GALNT13: variants seen among roughly 807,000 people sequenced by gnomAD.
GALNT13 encodes UDP-GalNAc:polypeptide N-acetylgalactosaminyltransferase 13.
A neutral mutation model predicts 64.2 loss-of-function variants in GALNT13; 28 were observed. The observed-to-expected ratio is 0.44, with a 90% CI of 0.32 to 0.60. The LOEUF is 0.60. Among genes scored for constraint, GALNT13 ranks in the 20% least tolerant of loss-of-function variants. The pLI, the probability that GALNT13 is intolerant of heterozygous loss-of-function variation, is 0.05. For missense variants in GALNT13, 577 were observed against 669.8 expected (o/e 0.86, Z 1.53); for synonymous variants, 214 against 224.6 (o/e 0.95, Z 0.42).
rs1002064231 is a variant in GALNT13, at chr2:154,397,331, C to T, written c.1296+1201C>T. Among the ~76,000 whole-genome samples, 4 of 151,944 alleles carry T rather than the reference C, an allele frequency of 2.6e-5. 1 individual carries two copies. The highest frequency in any genetic ancestry group is 1.9e-4 in the East Asian group (1 of 5,162). ...GCAGGCACCTGTAGTCCCAGCTACT[C>T]GGGAGGCTGAGGCAGGAGAATGGTG... On this transcript the variant is annotated intron_variant, in intron 10 of 12. Coordinates refer to ENST00000392825, the MANE Select transcript of GALNT13 (RefSeq NM_052917.4).
chr2:154,430,979 A>G (rs910626419), intron 11 of GALNT13, among the ~76,000 whole-genome samples: 10 of 152,222 alleles, frequency 6.6e-5, no homozygotes, highest in African/African-American at 1.9e-4. Context: ...TGGCTACAGT[A>G]TGGTGTAAAC....
chr2:154,277,173 A>T (rs2105932851), intron 8 of GALNT13, among the ~76,000 whole-genome samples: 1 of 152,324 alleles, frequency 6.6e-6, no homozygotes, highest in East Asian at 1.9e-4. Flanking sequence ...TTATAAAACT[A>T]AGATTTAAAT....
At chr2:154,205,755 A>G (rs1035649580) in intron 4 of GALNT13, among the ~76,000 whole-genome samples, 9 of 152,142 alleles carry the variant, frequency 5.9e-5, no homozygotes, top group Admixed American at 4.6e-4. Context: ...CGTGAGACTC[A>G]TTCACTATCA....
chr2:153,219,070 A>T, the GALNT13 span, among the ~76,000 whole-genome samples: 1 of 152,240 alleles, frequency 6.6e-6, no homozygotes, highest in Non-Finnish European at 1.5e-5. Flanking sequence ...TTTCAATCAG[A>T]CTTCATCTAA....
chr2:153,088,947 G>A, the GALNT13 span, among the ~76,000 whole-genome samples: 2 of 152,188 alleles, frequency 1.3e-5, no homozygotes, highest in Admixed American at 1.3e-4. Context: ...CTTTAAAGTG[G>A]AGCATTTAGG....
At chr2:154,120,265 C>G (rs1045468731) in intron 3 of GALNT13, among the ~76,000 whole-genome samples, 3 of 152,148 alleles carry the variant, frequency 2.0e-5, no homozygotes, top group Non-Finnish European at 4.4e-5. Context: ...TAGCTTCTGT[C>G]TCAGGACTGC....
chr2:153,954,692 C>G (rs1449703012), intron 3 of GALNT13, among the ~76,000 whole-genome samples: 1 of 151,424 alleles, frequency 6.6e-6, no homozygotes, highest in Non-Finnish European at 1.5e-5. Context: ...TTTTGAGTAA[C>G]TTTAAAAGCA....
chr2:153,302,629 C>T, the GALNT13 span, among the ~76,000 whole-genome samples: 1 of 152,034 alleles, frequency 6.6e-6, no homozygotes, highest in South Asian at 2.1e-4. Context: ...AAGTAATTGC[C>T]CAGACCAATG....
rs538065432 is a variant in GALNT13, at chr2:154,192,088, A to T, written c.312-49942A>T. ...TTCCCCTGGAGTCGGGCTGCTCAGC[A>T]GCCAGGCTCTCCTCCAACCGCCCCG... is the stretch of plus-strand genomic sequence containing the variant. On this transcript the variant is annotated intron_variant, in intron 4 of 12. Coordinates refer to ENST00000392825, the MANE Select transcript of GALNT13 (RefSeq NM_052917.4). Among the ~76,000 whole-genome samples, 3 of 152,328 alleles carry T rather than the reference A, an allele frequency of 2.0e-5. No individual in the cohort carries two copies. The East Asian group carries it at 5.8e-4, about 30-fold the overall frequency.
the GALNT13 span, among the ~76,000 whole-genome samples, chr2:153,382,964 C>T: frequency 6.6e-6 from 1 of 151,854 alleles, no homozygotes; most frequent in South Asian, 2.1e-4. Flanking sequence ...AAAGTATTTT[C>T]TTTTTGAAAG....
chr2:153,760,376 T>A, the GALNT13 span, among the ~76,000 whole-genome samples: 1 of 151,980 alleles, frequency 6.6e-6, no homozygotes, highest in Non-Finnish European at 1.5e-5. Flanking sequence ...AAGTTATTCA[T>A]TTGAGATTTT....
At chr2:153,486,361 G>A in the GALNT13 span, among the ~76,000 whole-genome samples, 1 of 152,232 alleles carries the variant, frequency 6.6e-6, no homozygotes, top group East Asian at 1.9e-4. Context: ...TGTAATAAGG[G>A]TAGATCAGAG....
At chr2:153,548,347 A>G in the GALNT13 span, among the ~76,000 whole-genome samples, 1 of 152,234 alleles carries the variant, frequency 6.6e-6, no homozygotes, top group Non-Finnish European at 1.5e-5. Context: ...ACAGGCCAAT[A>G]TTAAGCAAAA....
At chr2:153,842,564 C>A in the GALNT13 span, among the ~76,000 whole-genome samples, 1 of 152,122 alleles carries the variant, frequency 6.6e-6, no homozygotes, top group Non-Finnish European at 1.5e-5. Context: ...TATTTCTACA[C>A]ACACTGCCTG....
At chr2:153,893,217 C>T (rs1239843093) in intron 1 of GALNT13, among the ~76,000 whole-genome samples, 6 of 151,986 alleles carry the variant, frequency 3.9e-5, no homozygotes, top group African/African-American at 9.7e-5. Flanking sequence ...CAACCACATT[C>T]GTCAAAAAAT....
At chr2:154,241,876 AG>A (rs1222732790) in intron 4 of GALNT13, among the ~76,000 whole-genome samples, 153 bp from the exon 5 acceptor site, 2 of 152,216 alleles carry the variant, frequency 1.3e-5, no homozygotes, top group East Asian at 3.8e-4. Context: ...TACTCACAGC[AG>A]TTATAAAAGG....
In GALNT13 at chr2:153,913,714, G is replaced by A. The variant is rs530585094; in HGVS notation, c.-105+12707G>A. On this transcript the variant is annotated intron_variant, in intron 2 of 12. Coordinates refer to ENST00000392825, the MANE Select transcript of GALNT13 (RefSeq NM_052917.4). Reference sequence around the variant, plus strand: ...CTCCTACTTTCTGCAGGAGTTCTTCGGGGCCAGGAATAAGTCCTGGTGAAC... The same window carrying A: ...CTCCTACTTTCTGCAGGAGTTCTTCAGGGCCAGGAATAAGTCCTGGTGAAC... 7.2e-5 allele frequency among the ~76,000 whole-genome samples: 11 copies of A among 152,200 alleles called. No individual in the cohort carries two copies. In the East Asian group the frequency reaches 9.7e-4, roughly 13 times the overall value.
At chr2:154,362,444 C>G (rs1039653704) in intron 9 of GALNT13, among the ~76,000 whole-genome samples, 1 of 151,940 alleles carries the variant, frequency 6.6e-6, no homozygotes, top group Non-Finnish European at 1.5e-5. Context: ...CTCTCTTTCT[C>G]TTTTTCTCTC....
intron 3 of GALNT13, among the ~76,000 whole-genome samples, chr2:154,013,435 C>G (rs185201450): frequency 6.6e-6 from 1 of 152,032 alleles, no homozygotes; most frequent in Non-Finnish European, 1.5e-5. Context: ...TGAAGCGCTT[C>G]GTAGGGTTGT....
Sources: allele counts gnomAD v4.1 joint callset (sites outside exome capture counted in the v4.1 genomes callset), GRCh38; gene constraint gnomAD v4.1.1; transcripts MANE v1.5; gene names NCBI Gene and HGNC (gene_info 2026-07-23, HGNC 2026-07-21).